MAGI1: variants seen among roughly 807,000 people sequenced by gnomAD.
The protein encoded by MAGI1 is membrane-associated guanylate kinase, WW and PDZ domain-containing protein 1.
In MAGI1, 58 loss-of-function variants were observed where a neutral mutation model predicts 139.9. The observed-to-expected ratio is 0.41, with a 90% CI of 0.34 to 0.52. MAGI1 has a LOEUF of 0.52. MAGI1 is among the 20% of genes least tolerant of loss of function. The pLI, the probability that MAGI1 is intolerant of heterozygous loss-of-function variation, is 0.12. For missense variants in MAGI1, 1,874 were observed against 1,901.6 expected (o/e 0.99, Z 0.27); for synonymous variants, 812 against 737.9 (o/e 1.10, Z -1.63).
intron 1 of MAGI1, among the ~76,000 whole-genome samples, chr3:65,970,702 A>C (rs1030900760): frequency 1.3e-5 from 2 of 152,160 alleles, no homozygotes. Context: ...CTACAAAGCT[A>C]TGACTGAGAG....
intron 1 of MAGI1, among the ~76,000 whole-genome samples, chr3:65,767,915 C>T (rs1267699944): frequency 6.6e-6 from 1 of 152,160 alleles, no homozygotes. Flanking sequence ...TTGTTCCTGG[C>T]TTAAGCTATC....
intron 1 of MAGI1, among the ~76,000 whole-genome samples, chr3:65,860,939 C>T (rs781334701): frequency 3.7e-4 from 56 of 152,096 alleles, no homozygotes; most frequent in Non-Finnish European, 6.5e-4. Flanking sequence ...TTCAAAGTAA[C>T]AAACAATAAT....
intron 1 of MAGI1, among the ~76,000 whole-genome samples, chr3:65,784,414 C>T (rs569788794): frequency 1.6e-4 from 25 of 152,112 alleles, no homozygotes; most frequent in African/African-American, 6.0e-4. Flanking sequence ...CAACTGATGA[C>T]TGGATAAAAA....
rs115450105 is a variant in MAGI1, at chr3:65,669,626, G to T, written c.314-47538C>A. On this transcript the variant is annotated intron_variant, in intron 1 of 22. Coordinates refer to ENST00000402939, the MANE Select transcript of MAGI1 (RefSeq NM_001033057.2). ...TTGCTTTGATTGTGTTTTGTCTTCG[G>T]GATTCTACTGATAAAGCCATGTTTC... Among the ~76,000 whole-genome samples, 304 of 152,262 alleles carry T rather than the reference G, an allele frequency of 2.0e-3. 2 individuals carry two copies. Among genetic ancestry groups the T allele is most frequent in the African/African-American group, 6.6e-3 (275 of 41,538 alleles).
chr3:65,624,498 G>A (rs1421662867), intron 1 of MAGI1, among the ~76,000 whole-genome samples: 2 of 152,204 alleles, frequency 1.3e-5, no homozygotes, highest in African/African-American at 2.4e-5. Flanking sequence ...ACAGAATGTT[G>A]AGCAAAAGAA....
At chr3:65,868,530 T>C (rs1002355655) in intron 1 of MAGI1, among the ~76,000 whole-genome samples, 2 of 152,196 alleles carry the variant, frequency 1.3e-5, no homozygotes, top group African/African-American at 2.4e-5. Context: ...TAGTGTCTCA[T>C]TGTATCAGTT....
intron 5 of MAGI1, among the ~76,000 whole-genome samples, chr3:65,468,111 A>C (rs1950285969): frequency 6.6e-6 from 1 of 152,208 alleles, no homozygotes; most frequent in African/African-American, 2.4e-5. Context: ...AGATGCAAGA[A>C]GTAAACTCAA....
chr3:65,429,972 G>A lies in MAGI1; in HGVS notation c.1715C>T (p.Ser572Leu), dbSNP rs373058271. 24 of 1,613,836 alleles carry A rather than the reference G, an allele frequency of 1.5e-5. No individual in the cohort carries two copies. The highest frequency in any genetic ancestry group is 6.7e-5 in the African/African-American group (5 of 74,888). Residue 572 changes from serine to leucine, a missense_variant, in exon 12 of 23, where the codon TCG becomes TTG. Physicochemically the swap from Ser to Leu is moderately radical, Grantham distance 145. Coordinates refer to ENST00000402939, the MANE Select transcript of MAGI1 (RefSeq NM_001033057.2). ...TGGTTCTTTATCCAAAATGGCTACC[G>A]AGGTCACTAAACTTGTATTGGGGTC... Reference protein sequence around the residue: ...PDDPNTSLVTSVAILDKEPII... With the variant: ...PDDPNTSLVTLVAILDKEPII...
intron 1 of MAGI1, among the ~76,000 whole-genome samples, chr3:65,884,959 CAG>C (rs1235729053): frequency 6.6e-6 from 1 of 152,070 alleles, no homozygotes; most frequent in Non-Finnish European, 1.5e-5. Context: ...AGGAAATATT[CAG>C]AGAGATATAT....
At chr3:65,528,327 C>T (rs1350159134) in intron 2 of MAGI1, among the ~76,000 whole-genome samples, 3 of 152,200 alleles carry the variant, frequency 2.0e-5, no homozygotes, top group Non-Finnish European at 1.5e-5. Context: ...TTCAACACAG[C>T]GAAATTGCTG....
At chr3:65,756,698 A>G (rs765372602) in intron 1 of MAGI1, among the ~76,000 whole-genome samples, 2 of 152,136 alleles carry the variant, frequency 1.3e-5, no homozygotes, top group Non-Finnish European at 2.9e-5. Flanking sequence ...CTTTATGAAA[A>G]ATTACAGTCA....
chr3:65,873,951 AAT>A (rs1450524354), intron 1 of MAGI1: 1 of 152,188 alleles, frequency 6.6e-6, no homozygotes, highest in African/African-American at 2.4e-5. Context: ...AAAGAAAAAA[AAT>A]AGATAAAAGT....
chr3:65,490,602 A>G (rs1008645135), intron 3 of MAGI1, among the ~76,000 whole-genome samples: 1 of 151,988 alleles, frequency 6.6e-6, no homozygotes, highest in East Asian at 1.9e-4. Context: ...TCCCAGTACT[A>G]TGGGAGGTCG....
At chr3:65,359,708 C>G in intron 22 of MAGI1, 1 of 985,716 alleles carries the variant, frequency 1.0e-6, no homozygotes, top group Non-Finnish European at 1.2e-6. Flanking sequence ...TACAGTAGCA[C>G]AACCCTGTGG....
chr3:65,942,900 AATCCC>A (rs1423414841), intron 1 of MAGI1, among the ~76,000 whole-genome samples: 2 of 152,088 alleles, frequency 1.3e-5, no homozygotes, highest in Non-Finnish European at 2.9e-5. Flanking sequence ...GTGCACCTGT[AATCCC>A]ATCTACTCGG....
chr3:65,669,141 T>C (rs558933360), intron 1 of MAGI1, among the ~76,000 whole-genome samples: 28 of 152,292 alleles, frequency 1.8e-4, no homozygotes, highest in African/African-American at 6.0e-4. Context: ...TTCACCATCT[T>C]GGCCAGGCTG....
intron 1 of MAGI1, among the ~76,000 whole-genome samples, chr3:65,871,539 A>G (rs2059939860): frequency 6.6e-6 from 1 of 152,214 alleles, no homozygotes; most frequent in African/African-American, 2.4e-5. Flanking sequence ...GGAGGCCAGT[A>G]TTACAGCTTA....
intron 1 of MAGI1, among the ~76,000 whole-genome samples, chr3:65,674,284 G>C (rs1576680312): frequency 6.6e-6 from 1 of 152,148 alleles, no homozygotes; most frequent in Non-Finnish European, 1.5e-5. Flanking sequence ...CAAGCACAGA[G>C]AAGCCGATCT....
chr3:65,545,287 T>C lies in MAGI1; in HGVS notation c.431-51656A>G, dbSNP rs72893055. On this transcript the variant is annotated intron_variant, in intron 2 of 22. Coordinates refer to ENST00000402939, the MANE Select transcript of MAGI1 (RefSeq NM_001033057.2). ...AGTGGCATAATGTCAGCCACTTACT[T>C]TTGATGGTTCAGCCAAAGAGAGAGA... Among the ~76,000 whole-genome samples, 492 of 152,236 alleles carry C rather than the reference T, an allele frequency of 3.2e-3. 2 individuals are homozygous for C. The highest frequency in any genetic ancestry group is 0.01 in the African/African-American group (423 of 41,528).
Sources: gnomAD v4.1 joint callset for allele counts (sites outside exome capture counted in the v4.1 genomes callset) on GRCh38, gnomAD v4.1.1 for gene constraint, MANE v1.5 for transcripts, NCBI Gene and HGNC (gene_info 2026-07-23, HGNC 2026-07-21) for gene names.